Variants in RTTN observed in about 807,000 individuals in gnomAD.
RTTN encodes rotatin.
Under a neutral mutation model 269.2 loss-of-function variants are expected in RTTN, and 182 were observed. The ratio of observed to expected loss-of-function variants is 0.68; its 90% CI spans 0.60 to 0.76. The LOEUF is 0.76. Among genes scored for constraint, RTTN ranks in the 30% least tolerant of loss-of-function variants. RTTN has a pLI of 0.00. For missense variants in RTTN, 2,545 were observed against 2,608.6 expected (o/e 0.98, Z 0.53); for synonymous variants, 1,006 against 963.5 (o/e 1.04, Z -0.82).
chr18:70,155,351 T>C (rs1442661678), intron 14 of RTTN, among the ~76,000 whole-genome samples: 1 of 152,126 alleles, frequency 6.6e-6, no homozygotes, highest in Admixed American at 6.5e-5. Context: ...CAGTATCTGC[T>C]AAAATAAACA....
chr18:70,163,948 G>GTGAAA (rs748129658), intron 14 of RTTN, among the ~76,000 whole-genome samples: 22 of 152,102 alleles, frequency 1.4e-4, no homozygotes, highest in Admixed American at 2.0e-4. Flanking sequence ...ATTATATTAA[G>GTGAAA]TGAAATAAGC....
intron 35 of RTTN, among the ~76,000 whole-genome samples, chr18:70,063,635 T>C (rs995628966): frequency 3.9e-5 from 6 of 152,256 alleles, no homozygotes; most frequent in African/African-American, 1.2e-4. Context: ...CTAATGAAAA[T>C]TGTCCAAACA....
At chr18:70,174,477 T>C (rs930869258) in intron 11 of RTTN, among the ~76,000 whole-genome samples, 1 of 152,126 alleles carries the variant, frequency 6.6e-6, no homozygotes, top group South Asian at 2.1e-4. Context: ...GCCTTTGAAC[T>C]AGTAATGCCA....
chr18:70,185,847 C>T (rs955628072), intron 10 of RTTN, among the ~76,000 whole-genome samples: 7 of 151,810 alleles, frequency 4.6e-5, no homozygotes, highest in African/African-American at 1.7e-4. Context: ...GATCAATACA[C>T]AAAAATCAAT....
At chr18:70,106,432 G>A (rs916788056) in intron 28 of RTTN, among the ~76,000 whole-genome samples, 3 of 152,124 alleles carry the variant, frequency 2.0e-5, no homozygotes, top group African/African-American at 7.2e-5. Context: ...CTACAGGAAA[G>A]GCCAAACAGT....
intron 32 of RTTN, among the ~76,000 whole-genome samples, chr18:70,081,112 G>A (rs1411799321): frequency 1.3e-5 from 2 of 152,194 alleles, no homozygotes; most frequent in Non-Finnish European, 2.9e-5. Context: ...TCATAAGCGG[G>A]AGCTATGCTA....
At chr18:70,052,891 C>A (rs998500989) in intron 38 of RTTN, among the ~76,000 whole-genome samples, 1 of 151,854 alleles carries the variant, frequency 6.6e-6, no homozygotes, top group Admixed American at 6.6e-5. Context: ...TTCCTTTCAG[C>A]GCTTGATATA....
chr18:70,055,939 C>T (rs1017384840), intron 37 of RTTN, among the ~76,000 whole-genome samples: 1 of 152,218 alleles, frequency 6.6e-6, no homozygotes, highest in Non-Finnish European at 1.5e-5. Flanking sequence ...CGCAGGCACT[C>T]GCAGCCTGCT....
chr18:70,145,866 A>G (rs569720246), intron 17 of RTTN, 83 bp from the exon 18 acceptor site: 1 of 1,065,282 alleles, frequency 9.4e-7, no homozygotes, highest in Admixed American at 2.5e-5. Flanking sequence ...AAGTAATTAT[A>G]TATCAACAAA....
At chr18:70,043,681 T>C (rs1474854473) in intron 40 of RTTN, among the ~76,000 whole-genome samples, 2 of 152,186 alleles carry the variant, frequency 1.3e-5, no homozygotes, top group Non-Finnish European at 2.9e-5. Flanking sequence ...CTAAAATGTG[T>C]ACATGGTAAA....
intron 10 of RTTN, among the ~76,000 whole-genome samples, chr18:70,180,703 C>A (rs1330190024): frequency 1.3e-5 from 2 of 151,966 alleles, no homozygotes; most frequent in Non-Finnish European, 2.9e-5. Context: ...CCACAAGTGA[C>A]CCTGAAAAAT....
rs190610221 is a variant in RTTN, at chr18:70,113,870, G to A, written c.3683+575C>T. Among the ~76,000 whole-genome samples the A allele has an allele frequency of 2.6e-5, 4 of 152,224 alleles. No homozygotes were observed. The East Asian group carries it at 7.7e-4, about 29-fold the overall frequency. ...CACAGACATAGAAAGAAGACTAGTGGCTGCCAGGGCCCAGAGGAATGTGTG... is the reference window on the plus strand; with the variant it reads ...CACAGACATAGAAAGAAGACTAGTGACTGCCAGGGCCCAGAGGAATGTGTG... On this transcript the variant is annotated intron_variant, in intron 27 of 48. Coordinates refer to ENST00000640769, the MANE Select transcript of RTTN (RefSeq NM_173630.4).
At chr18:70,144,995 A>C (rs937188004) in intron 18 of RTTN, among the ~76,000 whole-genome samples, 1 of 152,232 alleles carries the variant, frequency 6.6e-6, no homozygotes, top group Admixed American at 6.5e-5. Flanking sequence ...GTACAGTCCT[A>C]GCTAAAGACA....
At chr18:70,186,846 T>C (rs10221411) in intron 10 of RTTN, among the ~76,000 whole-genome samples, 3,844 of 152,174 alleles carry the variant, frequency 0.025, 165 homozygotes, top group African/African-American at 0.086. Flanking sequence ...AAGAGGGGAA[T>C]AACAGACACC....
In RTTN at chr18:70,158,575, G is replaced by A. The variant is rs77569340; in HGVS notation, c.1929+7487C>T. On this transcript the variant is annotated intron_variant, in intron 14 of 48. Transcript: ENST00000640769. The stretch of plus-strand genomic sequence containing the variant: ...ACAACCAGCTAGCAACATGGCGACA[G>A]AATCAAATCCTCACATATCAATACT... Among the ~76,000 whole-genome samples the A allele has an allele frequency of 2.8e-3, 425 of 152,188 alleles. 5 individuals carry two copies. The highest frequency in any genetic ancestry group is 9.7e-3 in the African/African-American group (403 of 41,520).
At position 70,100,316 on chromosome 18, in the gene RTTN, C is replaced by T. The variant is rs577827149; in HGVS notation, c.3904-7512G>A. On this transcript the variant is annotated intron_variant, in intron 28 of 48. Transcript: ENST00000640769. ...TTCACATCCCTTGTAAGTTGGATTC[C>T]TAGGTATTTTATTCTCTTTGAAGCA... is the stretch of plus-strand genomic sequence containing the variant. Among the ~76,000 whole-genome samples, 275 of 152,234 alleles carry T rather than the reference C, an allele frequency of 1.8e-3. 8 individuals carry two copies. Among genetic ancestry groups the T allele is most frequent in the Admixed American group, 0.017 (265 of 15,274 alleles).
intron 40 of RTTN, among the ~76,000 whole-genome samples, chr18:70,043,350 C>G (rs926290266): frequency 6.6e-6 from 1 of 151,926 alleles, no homozygotes; most frequent in Non-Finnish European, 1.5e-5. Context: ...AATTTAATAC[C>G]ATTCACGCTG....
intron 28 of RTTN, among the ~76,000 whole-genome samples, chr18:70,096,010 T>C (rs914456958): frequency 4.0e-5 from 6 of 151,846 alleles, no homozygotes; most frequent in African/African-American, 1.5e-4. Flanking sequence ...TTTTTTTTTT[T>C]CTCTAATCTT....
chr18:70,063,595 A>C (rs1182115335), intron 35 of RTTN, among the ~76,000 whole-genome samples: 1 of 152,054 alleles, frequency 6.6e-6, no homozygotes, highest in African/African-American at 2.4e-5. Flanking sequence ...CTTTGGAAAT[A>C]AAAATGGAAA....
Sources: gnomAD v4.1 joint callset for allele counts (sites outside exome capture counted in the v4.1 genomes callset) on GRCh38, gnomAD v4.1.1 for gene constraint, MANE v1.5 for transcripts, NCBI Gene and HGNC (gene_info 2026-07-23, HGNC 2026-07-21) for gene names.